BORCS8: variants seen among roughly 807,000 people sequenced by gnomAD.
The protein encoded by BORCS8 is BLOC-1-related complex subunit 8.
A neutral mutation model predicts 18.7 loss-of-function variants in BORCS8; 13 were observed. The observed-to-expected ratio is 0.70, with a 90% CI of 0.45 to 1.11. The LOEUF (loss-of-function observed/expected upper bound fraction) is 1.11, where lower values mean the gene tolerates loss of function less well. BORCS8 is among the 50% of genes least tolerant of loss of function. The probability of loss-of-function intolerance (pLI) is 0.00; values close to 1 mark genes in which losing one functional copy is unlikely to be tolerated. For synonymous variants in BORCS8, 68 were observed against 64.8 expected (o/e 1.05, Z -0.24); for missense variants, 165 against 165.7 (o/e 1.00, Z 0.02).
intron 1 of BORCS8, among the ~76,000 whole-genome samples, chr19:19,188,533 T>C (rs1443252511): frequency 1.3e-5 from 2 of 152,142 alleles, no homozygotes; most frequent in Non-Finnish European, 2.9e-5. Context: ...CTTCCCGGCA[T>C]TCTTTTTGCC....
chr19:19,191,164 G>T (rs2060469207), intron 1 of BORCS8, among the ~76,000 whole-genome samples: 1 of 151,972 alleles, frequency 6.6e-6, no homozygotes, highest in African/African-American at 2.4e-5. Flanking sequence ...ACTAGCCTGA[G>T]CAACAAGGTG....
At chr19:19,187,818 T>G (rs899351361) in intron 1 of BORCS8, among the ~76,000 whole-genome samples, 9 of 151,220 alleles carry the variant, frequency 6.0e-5, no homozygotes, top group African/African-American at 2.2e-4. Context: ...ATTACAGGCT[T>G]GAGCCACCGC....
intron 3 of BORCS8, among the ~76,000 whole-genome samples, chr19:19,184,088 G>A (rs993342208): frequency 4.7e-5 from 7 of 150,422 alleles, no homozygotes; most frequent in Non-Finnish European, 1.0e-4. Context: ...GCACCATGTT[G>A]GCCAGGCTGG....
chr19:19,187,576 G>A (rs1386993657), intron 1 of BORCS8, among the ~76,000 whole-genome samples: 1 of 147,930 alleles, frequency 6.8e-6, no homozygotes, highest in Non-Finnish European at 1.5e-5. Flanking sequence ...GTCTTGCTCT[G>A]TCATCAGGCT....
intron 3 of BORCS8, among the ~76,000 whole-genome samples, chr19:19,183,580 T>C (rs72997174): frequency 0.49 from 74,502 of 151,030 alleles, 18,607 homozygotes; most frequent in East Asian, 0.57. Flanking sequence ...TGAATATTTT[T>C]TTTCTTTCTT....
chr19:19,190,259 T>C (rs2060452367), intron 1 of BORCS8, among the ~76,000 whole-genome samples: 1 of 152,234 alleles, frequency 6.6e-6, no homozygotes, highest in African/African-American at 2.4e-5. Flanking sequence ...TCTCTGAGCC[T>C]CAGCTTCCTC....
chr19:19,182,300 G>T lies in BORCS8; in HGVS notation c.326+273C>A. The T allele has an allele frequency of 1.4e-6, 1 of 739,196 alleles. No homozygotes were observed. The highest frequency in any genetic ancestry group is 1.9e-6 in the Non-Finnish European group (1 of 540,220). 45.8% of individuals were successfully genotyped at this position (739,196 alleles called of 1,614,324 possible). ...TCTTGTCTGCCATGTTTACCTGGTT[G>T]TCGTATGTCTCCTTGTGAGCCTGTC... On this transcript the variant is annotated intron_variant, in intron 4 of 5. Transcript: ENST00000462790. This position sits in a 1 kb window ranked among gnomAD's most constrained non-coding sequence, Gnocchi z 4.1.
At chr19:19,189,982 A>G (rs1485417922) in intron 1 of BORCS8, among the ~76,000 whole-genome samples, 2 of 151,944 alleles carry the variant, frequency 1.3e-5, no homozygotes, top group African/African-American at 4.8e-5. Flanking sequence ...GCAGAGCTCT[A>G]AACACTTGGT....
At chr19:19,188,193 C>G (rs2060429743) in intron 1 of BORCS8, among the ~76,000 whole-genome samples, 2 of 151,970 alleles carry the variant, frequency 1.3e-5, no homozygotes, top group Admixed American at 1.3e-4. Flanking sequence ...CCACGCCCGG[C>G]TAACTTTTTG....
intron 5 of BORCS8, chr19:19,180,477 G>A (rs976247036): frequency 3.4e-6 from 2 of 594,736 alleles, no homozygotes; most frequent in African/African-American, 3.8e-5. Context: ...AGAGAGAGTG[G>A]GAGAGATGGG....
Position 19,186,019 on chromosome 19 carries a change from G to T in BORCS8, c.215+15C>A, listed in dbSNP as rs778984102. ...GCAAAAGGTGGCCCTGCAGCGGGGA[G>T]GCTGTGGCGCTCACCTGCAGGCGTA... On this transcript the variant is annotated intron_variant, in intron 3 of 5. Coordinates refer to ENST00000462790, the MANE Select transcript of BORCS8 (RefSeq NM_001145784.2). The T allele has an allele frequency of 1.3e-6, 2 of 1,549,820 alleles. No homozygotes were observed. The highest frequency in any genetic ancestry group is 1.7e-6 in the Non-Finnish European group (2 of 1,146,726).
chr19:19,187,625 G>A (rs550908840), intron 1 of BORCS8, among the ~76,000 whole-genome samples: 1 of 146,424 alleles, frequency 6.8e-6, no homozygotes, highest in East Asian at 2.1e-4. Flanking sequence ...CACAACCTCC[G>A]ACTCCCTGGT....
intron 3 of BORCS8, 147 bp downstream of exon 3, chr19:19,185,887 A>G: frequency 1.3e-6 from 1 of 764,506 alleles, no homozygotes; most frequent in East Asian, 2.7e-5. Context: ...GCCCTGGCCA[A>G]GTGAATCGTG....
At chr19:19,183,329 G>GCA (rs2060369153) in intron 3 of BORCS8, among the ~76,000 whole-genome samples, 1 of 151,358 alleles carries the variant, frequency 6.6e-6, no homozygotes, top group Non-Finnish European at 1.5e-5. Context: ...AGAATGGCAT[G>GCA]AACCTGGGAG....
At chr19:19,181,385 G>C (rs1330553552) in intron 4 of BORCS8, among the ~76,000 whole-genome samples, 1 of 152,162 alleles carries the variant, frequency 6.6e-6, no homozygotes, top group Non-Finnish European at 1.5e-5. Context: ...AGGCACTCCA[G>C]AGGCCACGTC....
intron 4 of BORCS8, 72 bp from the exon 5 acceptor site, chr19:19,180,833 T>G (rs1599751747): frequency 1.4e-6 from 2 of 1,450,210 alleles, no homozygotes; most frequent in South Asian, 2.8e-5. Flanking sequence ...CTGGCTGGAG[T>G]GTATGTTTGG....
At position 19,192,122 on chromosome 19, in the gene BORCS8, A is replaced by T. The variant is rs766048817; in HGVS notation, c.-5T>A. ...CTGCATCTCCGGCTCCTCCATAGCG[A>T]CCGCGGCCGAGCGAACCGGGAAACG... On this transcript the variant is annotated 5_prime_UTR_variant, in exon 1 of 6. Coordinates refer to ENST00000462790, the MANE Select transcript of BORCS8 (RefSeq NM_001145784.2). 4.5e-6 allele frequency: 7 copies of T among 1,550,988 alleles called. No individual in the cohort carries two copies. Among genetic ancestry groups the T allele is most frequent in the Non-Finnish European group, 6.1e-6 (7 of 1,146,826 alleles).
intron 5 of BORCS8, chr19:19,177,702 A>AGGAAGG (rs1568562084): frequency 4.8e-5 from 3 of 63,084 alleles, no homozygotes; most frequent in African/African-American, 2.1e-4. Context: ...GGAAGAGAAA[A>AGGAAGG]GAAAAGAAAA....
At chr19:19,184,973 C>A (rs560612619) in intron 3 of BORCS8, among the ~76,000 whole-genome samples, 63 of 152,352 alleles carry the variant, frequency 4.1e-4, no homozygotes, top group Non-Finnish European at 6.9e-4. Context: ...TCAAGGCATC[C>A]TCCCACCTCA....
Sources: gnomAD v4.1 joint callset for allele counts (sites outside exome capture counted in the v4.1 genomes callset) on GRCh38, gnomAD v4.1.1 for gene constraint, Gnocchi (gnomAD v3.1) non-coding constraint, MANE v1.5 for transcripts, NCBI Gene and HGNC (gene_info 2026-07-23, HGNC 2026-07-21) for gene names.